Variants in CDH13 observed in about 807,000 individuals in gnomAD.
The protein encoded by CDH13 is cadherin 13, also known as cadherin-13.
In CDH13, 24 loss-of-function variants were observed where a neutral mutation model predicts 63.8. The ratio of observed to expected loss-of-function variants is 0.38; its 90% CI spans 0.27 to 0.53. CDH13 has a LOEUF of 0.53. CDH13 is among the 20% of genes least tolerant of loss of function. The probability of loss-of-function intolerance (pLI) is 0.85; values close to 1 mark genes in which losing one functional copy is unlikely to be tolerated. For synonymous variants in CDH13, 503 were observed against 355.3 expected (o/e 1.42, Z -4.67); for missense variants, 1,049 against 903.1 (o/e 1.16, Z -2.07).
At chr16:82,699,903 A>T (rs1375678768) in intron 1 of CDH13, among the ~76,000 whole-genome samples, 1 of 152,228 alleles carries the variant, frequency 6.6e-6, no homozygotes, top group Non-Finnish European at 1.5e-5. Flanking sequence ...ATGTTTCAAC[A>T]GTTTTCCGAA....
chr16:83,733,614 G>C (rs403473), intron 10 of CDH13, among the ~76,000 whole-genome samples: 118,493 of 152,116 alleles, frequency 0.78, 46,549 homozygotes, highest in African/African-American at 0.82. Context: ...CTTGAAAGTG[G>C]CAATATCCAT....
At chr16:83,445,667 T>C (rs2072666186) in intron 6 of CDH13, among the ~76,000 whole-genome samples, 1 of 152,228 alleles carries the variant, frequency 6.6e-6, no homozygotes. Context: ...CCTTTTTTGC[T>C]TTTAGAATTC....
chr16:83,536,943 C>A (rs944604822), intron 7 of CDH13, among the ~76,000 whole-genome samples: 1 of 152,164 alleles, frequency 6.6e-6, no homozygotes, highest in African/African-American at 2.4e-5. Flanking sequence ...ATGGAGGTAA[C>A]TCATGCCACA....
At chr16:83,656,667 G>C (rs1026137866) in intron 8 of CDH13, among the ~76,000 whole-genome samples, 3 of 152,210 alleles carry the variant, frequency 2.0e-5, no homozygotes, top group African/African-American at 7.2e-5. Context: ...AGGCTCCTGA[G>C]CCATTTCCTG....
chr16:83,613,656 C>A (rs1346539902), intron 8 of CDH13, among the ~76,000 whole-genome samples: 2 of 152,046 alleles, frequency 1.3e-5, no homozygotes, highest in African/African-American at 2.4e-5. Context: ...CATGGTGAAA[C>A]CCTGTCTCTA....
intron 1 of CDH13, among the ~76,000 whole-genome samples, chr16:82,779,933 A>G (rs2035673126): frequency 6.6e-6 from 1 of 152,278 alleles, no homozygotes; most frequent in Non-Finnish European, 1.5e-5. Flanking sequence ...ACATCTGCAC[A>G]TGTGTATCAT....
At chr16:83,643,717 G>A (rs1397635974) in intron 8 of CDH13, among the ~76,000 whole-genome samples, 1 of 152,058 alleles carries the variant, frequency 6.6e-6, no homozygotes, top group Non-Finnish European at 1.5e-5. Flanking sequence ...CAGGAGAATG[G>A]GTTCTTCCAT....
intron 1 of CDH13, among the ~76,000 whole-genome samples, chr16:82,724,768 C>G (rs2151026657): frequency 1.3e-5 from 2 of 152,260 alleles, no homozygotes; most frequent in African/African-American, 4.8e-5. Flanking sequence ...CCAGATGATC[C>G]AAGGTGATGG....
At chr16:82,712,434 T>A (rs1446187827) in intron 1 of CDH13, among the ~76,000 whole-genome samples, 1 of 152,102 alleles carries the variant, frequency 6.6e-6, no homozygotes, top group Non-Finnish European at 1.5e-5. Context: ...AGGCATAATA[T>A]CAGCACCTTG....
chr16:83,588,370 G>A (rs1034263103), intron 7 of CDH13, among the ~76,000 whole-genome samples: 3 of 152,310 alleles, frequency 2.0e-5, no homozygotes, highest in South Asian at 2.1e-4. Flanking sequence ...CAACATAACC[G>A]TTTCTTGATT....
At chr16:83,705,733 A>G (rs542962430) in intron 10 of CDH13, among the ~76,000 whole-genome samples, 1 of 152,206 alleles carries the variant, frequency 6.6e-6, no homozygotes, top group South Asian at 2.1e-4. Context: ...CCTTCAAACA[A>G]CCCTAAAGCT....
Position 83,332,902 on chromosome 16 carries a change from A to T in CDH13, c.637-11960A>T, listed in dbSNP as rs11642167. Among the ~76,000 whole-genome samples the T allele has an allele frequency of 7.0e-4, 106 of 152,196 alleles. 2 individuals are homozygous for T. Among genetic ancestry groups the T allele is most frequent in the African/African-American group, 2.4e-3 (98 of 41,524 alleles). On this transcript the variant is annotated intron_variant, in intron 5 of 13. Transcript: ENST00000567109. The stretch of plus-strand genomic sequence containing the variant: ...ACACATAAGAAAAAATGTTTTCATT[A>T]TGTTTGATGAAACAAAAATTTTAAA...
intron 5 of CDH13, among the ~76,000 whole-genome samples, chr16:83,335,657 A>G (rs1281309526): frequency 6.6e-6 from 1 of 152,174 alleles, no homozygotes; most frequent in Non-Finnish European, 1.5e-5. Context: ...CTTGTAGTTA[A>G]AGATTGACCC....
At chr16:82,973,954 C>A (rs1001968721) in intron 2 of CDH13, among the ~76,000 whole-genome samples, 1 of 151,990 alleles carries the variant, frequency 6.6e-6, no homozygotes, top group South Asian at 2.1e-4. Flanking sequence ...ACAGAGTTAC[C>A]CACTGTTGTC....
chr16:82,762,725 G>A (rs1464220951), intron 1 of CDH13, among the ~76,000 whole-genome samples: 1 of 152,030 alleles, frequency 6.6e-6, no homozygotes, highest in Non-Finnish European at 1.5e-5. Flanking sequence ...GCAAAACTTG[G>A]GTGCCAAAAG....
intron 5 of CDH13, among the ~76,000 whole-genome samples, chr16:83,329,488 C>T (rs922812078): frequency 6.6e-6 from 1 of 151,502 alleles, no homozygotes; most frequent in African/African-American, 2.4e-5. Context: ...GTGGCCACCT[C>T]GATCTCCCAA....
At chr16:83,494,250 T>A (rs1269892483) in intron 7 of CDH13, among the ~76,000 whole-genome samples, 1 of 152,184 alleles carries the variant, frequency 6.6e-6, no homozygotes, top group African/African-American at 2.4e-5. Flanking sequence ...TTATATGAAG[T>A]ACCCTAAAAA....
intron 6 of CDH13, among the ~76,000 whole-genome samples, chr16:83,461,165 T>A (rs943549768): frequency 1.3e-5 from 2 of 152,146 alleles, no homozygotes; most frequent in Non-Finnish European, 2.9e-5. Context: ...GTACTATTTA[T>A]TATACCTTGC....
At chr16:83,755,742 T>A (rs1400282466) in intron 11 of CDH13, among the ~76,000 whole-genome samples, 2 of 128,984 alleles carry the variant, frequency 1.6e-5, no homozygotes, top group Non-Finnish European at 1.7e-5. Context: ...AATTAAAGAC[T>A]TTTGGGGCAA....
Sources: allele counts gnomAD v4.1 joint callset (sites outside exome capture counted in the v4.1 genomes callset), GRCh38; gene constraint gnomAD v4.1.1; transcripts MANE v1.5; gene names NCBI Gene and HGNC (gene_info 2026-07-23, HGNC 2026-07-21).